MAN1C1: variants seen among roughly 807,000 people sequenced by gnomAD.
The protein encoded by MAN1C1 is mannosidase alpha class 1C member 1, also known as mannosyl-oligosaccharide 1,2-alpha-mannosidase IC.
In MAN1C1, 49 loss-of-function variants were observed where a neutral mutation model predicts 71.5. The observed-to-expected ratio is 0.69, with a 90% CI of 0.54 to 0.87. The LOEUF is 0.87. Ranked by LOEUF, MAN1C1 falls within the 40% of genes least tolerant of loss-of-function variation. The probability of loss-of-function intolerance (pLI) is 0.00; values close to 1 mark genes in which losing one functional copy is unlikely to be tolerated. For synonymous variants in MAN1C1, 352 were observed against 343.7 expected (o/e 1.02, Z -0.27); for missense variants, 743 against 835.0 (o/e 0.89, Z 1.36).
At chr1:25,619,290 C>G (rs2045168483) in intron 1 of MAN1C1, among the ~76,000 whole-genome samples, 1 of 152,158 alleles carries the variant, frequency 6.6e-6, no homozygotes, top group African/African-American at 2.4e-5. Flanking sequence ...GGTCTCCTCC[C>G]TAGAAACGAG....
At chr1:25,716,866 C>T (rs947885112) in intron 2 of MAN1C1, among the ~76,000 whole-genome samples, 1 of 152,196 alleles carries the variant, frequency 6.6e-6, no homozygotes, top group African/African-American at 2.4e-5. Context: ...TAGGCAATCA[C>T]CAATCTGCTG....
At chr1:25,637,247 A>G (rs1423159398) in intron 1 of MAN1C1, among the ~76,000 whole-genome samples, 1 of 152,162 alleles carries the variant, frequency 6.6e-6, no homozygotes, top group Non-Finnish European at 1.5e-5. Flanking sequence ...TCTTAAAAAT[A>G]TCCATTTAAA....
At chr1:25,766,676 C>T (rs377203080) in intron 7 of MAN1C1, among the ~76,000 whole-genome samples, 1 of 152,118 alleles carries the variant, frequency 6.6e-6, no homozygotes, top group Non-Finnish European at 1.5e-5. Flanking sequence ...CCACCAGGCT[C>T]CCGATGGTGC....
intron 2 of MAN1C1, among the ~76,000 whole-genome samples, chr1:25,707,587 T>G (rs1210198838): frequency 6.6e-6 from 1 of 152,182 alleles, no homozygotes; most frequent in African/African-American, 2.4e-5. Context: ...CTTCGCCTCT[T>G]CCTCCTTATC....
intron 2 of MAN1C1, among the ~76,000 whole-genome samples, chr1:25,713,947 C>A (rs567729751): frequency 9.2e-5 from 14 of 152,276 alleles, no homozygotes; most frequent in African/African-American, 2.6e-4. Flanking sequence ...TGTAGCCCCT[C>A]CTCAAATAGA....
At position 25,686,554 on chromosome 1, in the gene MAN1C1, A is replaced by T; in HGVS notation, c.637+18A>T. Reference sequence around the variant, plus strand: ...CATGTTCGGTGAGTCGATTCAAACCACTTTGATATTGGGAGGGACCCACCG... The same window carrying T: ...CATGTTCGGTGAGTCGATTCAAACCTCTTTGATATTGGGAGGGACCCACCG... On this transcript the variant is annotated intron_variant, in intron 2 of 11. Coordinates refer to ENST00000374332, the MANE Select transcript of MAN1C1 (RefSeq NM_020379.4). 1 of 1,609,126 alleles carries T rather than the reference A, an allele frequency of 6.2e-7. No individual in the cohort carries two copies. Among genetic ancestry groups the T allele is most frequent in the Non-Finnish European group, 8.5e-7 (1 of 1,175,646 alleles).
At chr1:25,686,419 C>T (rs1192357250) in intron 1 of MAN1C1, 21 bp from the exon 2 acceptor site, 2 of 1,610,542 alleles carry the variant, frequency 1.2e-6, no homozygotes, top group South Asian at 2.2e-5. Context: ...GAGGTTCTCT[C>T]TATGCTGCTT....
chr1:25,730,782 C>T lies in MAN1C1; in HGVS notation c.638-15886C>T, dbSNP rs1190147534. On this transcript the variant is annotated intron_variant, in intron 2 of 11. Coordinates refer to ENST00000374332, the MANE Select transcript of MAN1C1 (RefSeq NM_020379.4). This position sits in a 1 kb window ranked among gnomAD's most constrained non-coding sequence, Gnocchi z 4.3. Reference sequence around the variant, plus strand: ...GGAGGGGGTTCTCCCTGTGTGGGCACTTCCTCCTCCTTTTCACTCTCCTGC... The same window carrying T: ...GGAGGGGGTTCTCCCTGTGTGGGCATTTCCTCCTCCTTTTCACTCTCCTGC... Among the ~76,000 whole-genome samples, 1 of 152,212 alleles carries T rather than the reference C, an allele frequency of 6.6e-6. No individual in the cohort carries two copies. The highest frequency in any genetic ancestry group is 2.4e-5 in the African/African-American group (1 of 41,458).
Position 25,764,025 on chromosome 1 carries a change from G to A in MAN1C1, c.1141+58G>A, listed in dbSNP as rs2047396212. On this transcript the variant is annotated intron_variant, in intron 7 of 11. Transcript: ENST00000374332. This position sits in a 1 kb window ranked among gnomAD's most constrained non-coding sequence, Gnocchi z 4.4. ...GCGGGTTCCTGCCCAGGCTTCCTAG[G>A]AAGACCCTGCCAGGCCCCTGGGCTG... is the stretch of plus-strand genomic sequence containing the variant. 1.4e-6 allele frequency: 2 copies of A among 1,437,190 alleles called. No individual in the cohort carries two copies. Among genetic ancestry groups the A allele is most frequent in the South Asian group, 2.3e-5 (2 of 87,350 alleles). 89.0% of individuals were successfully genotyped at this position (1,437,190 alleles called of 1,614,324 possible).
At chr1:25,676,431 C>G (rs2046069616) in intron 1 of MAN1C1, among the ~76,000 whole-genome samples, 1 of 152,174 alleles carries the variant, frequency 6.6e-6, no homozygotes, top group Admixed American at 6.5e-5. Context: ...CTGGGGTCAC[C>G]AACCAGGTCA....
At position 25,616,836 on chromosome 1, in the gene MAN1C1, G is replaced by T. The variant is rs1181490011; in HGVS notation, c.-962G>T. Among the ~76,000 whole-genome samples the T allele has an allele frequency of 2.7e-5, 4 of 148,614 alleles. No homozygotes were observed. The highest frequency in any genetic ancestry group is 6.7e-5 in the Admixed American group (1 of 14,976). On this transcript the variant is annotated 5_prime_UTR_variant, in exon 1 of 12. Coordinates refer to ENST00000374332, the MANE Select transcript of MAN1C1 (RefSeq NM_020379.4). This position sits in a 1 kb window ranked among gnomAD's most constrained non-coding sequence, Gnocchi z 5.6. Reference sequence around the variant, plus strand: ...CGGCGGCGGGGACGGCGGTGGAGGCGGCCGGGTGGCTGTGCGCGCGTGTGG... The same window carrying T: ...CGGCGGCGGGGACGGCGGTGGAGGCTGCCGGGTGGCTGTGCGCGCGTGTGG...
In MAN1C1 at chr1:25,725,738, A is replaced by G. The variant is rs1391189865; in HGVS notation, c.638-20930A>G. 6.6e-6 allele frequency among the ~76,000 whole-genome samples: 1 copy of G among 152,182 alleles called. No homozygotes were observed. The highest frequency in any genetic ancestry group is 1.9e-4 in the East Asian group (1 of 5,198). On this transcript the variant is annotated intron_variant, in intron 2 of 11. Transcript: ENST00000374332. This position sits in a 1 kb window ranked among gnomAD's most constrained non-coding sequence, Gnocchi z 4.8. ...ATGGCATTATTAAGGATTCTCTCCC[A>G]GTGTTTGTTTTAATGGAAGTCGAAG...
chr1:25,652,682 C>T (rs557100643), intron 1 of MAN1C1, among the ~76,000 whole-genome samples: 54 of 152,138 alleles, frequency 3.5e-4, no homozygotes, highest in Non-Finnish European at 6.6e-4. Context: ...AGTGGTGGGC[C>T]CGGAGCAAAA....
intron 2 of MAN1C1, among the ~76,000 whole-genome samples, chr1:25,745,469 A>G (rs1397888769): frequency 6.6e-6 from 1 of 151,966 alleles, no homozygotes; most frequent in Non-Finnish European, 1.5e-5. Flanking sequence ...CTGTACACTT[A>G]CACTTTGATG....
intron 1 of MAN1C1, among the ~76,000 whole-genome samples, chr1:25,678,083 T>A (rs1276875983): frequency 6.6e-6 from 1 of 152,132 alleles, no homozygotes; most frequent in Non-Finnish European, 1.5e-5. Flanking sequence ...TCACTAAACT[T>A]CTATCAGACA....
intron 7 of MAN1C1, among the ~76,000 whole-genome samples, chr1:25,767,955 T>C (rs111163365): frequency 1.6e-3 from 35 of 21,762 alleles, no homozygotes; most frequent in East Asian, 7.1e-3. Context: ...TCCCCTCACA[T>C]ACATCCACAC....
chr1:25,746,919 C>G lies in MAN1C1; in HGVS notation c.753+136C>G. 1 of 642,798 alleles carries G rather than the reference C, an allele frequency of 1.6e-6. No individual in the cohort carries two copies. The highest frequency in any genetic ancestry group is 1.9e-5 in the South Asian group (1 of 51,548). 39.8% of individuals were successfully genotyped at this position (642,798 alleles called of 1,614,324 possible). ...GCTGCACAGCCCAGCAGTCTCGGAA[C>G]CGGAGCTGCCGTGCAGTCTGTGCTG... is the stretch of plus-strand genomic sequence containing the variant. On this transcript the variant is annotated intron_variant, in intron 3 of 11. Coordinates refer to ENST00000374332, the MANE Select transcript of MAN1C1 (RefSeq NM_020379.4). The surrounding 1 kb of genome is among the most constrained non-coding windows in gnomAD (Gnocchi z 4.0).
chr1:25,750,995 C>T lies in MAN1C1; in HGVS notation c.834+1660C>T, dbSNP rs182999850. 8.5e-5 allele frequency among the ~76,000 whole-genome samples: 13 copies of T among 152,110 alleles called. No homozygotes were observed. The East Asian group carries it at 2.3e-3, about 27-fold the overall frequency. ...TCTTCCATCCATCTTTCCTCCCTTC[C>T]GTCCATCTTTCCTTCTGTCCTTCCA... On this transcript the variant is annotated intron_variant, in intron 4 of 11. Transcript: ENST00000374332.
At chr1:25,717,575 CTTT>C (rs1023005252) in intron 2 of MAN1C1, among the ~76,000 whole-genome samples, 7 of 135,548 alleles carry the variant, frequency 5.2e-5, no homozygotes, top group Admixed American at 1.5e-4. Context: ...TACCATTTTC[CTTT>C]TTTTTTTTTT....
Sources: gnomAD v4.1 joint callset for allele counts (sites outside exome capture counted in the v4.1 genomes callset) on GRCh38, gnomAD v4.1.1 for gene constraint, Gnocchi (gnomAD v3.1) non-coding constraint, MANE v1.5 for transcripts, NCBI Gene and HGNC (gene_info 2026-07-23, HGNC 2026-07-21) for gene names.